The following KMT2E variants were observed in gnomAD, a reference collection of about 807,000 sequenced individuals.
KMT2E encodes the protein lysine methyltransferase 2E (inactive), also known as histone reader KMT2E.
Under a neutral mutation model 184.6 loss-of-function variants are expected in KMT2E, and 30 were observed. The observed-to-expected ratio is 0.16, with a 90% CI of 0.12 to 0.22. The LOEUF (loss-of-function observed/expected upper bound fraction) is 0.22, where lower values mean the gene tolerates loss of function less well. Among genes scored for constraint, KMT2E ranks in the 10% least tolerant of loss-of-function variants. The pLI is 1.00. For synonymous variants in KMT2E, 815 were observed against 776.5 expected (o/e 1.05, Z -0.82); for missense variants, 2,023 against 2,237.4 (o/e 0.90, Z 1.93).
intron 3 of KMT2E, among the ~76,000 whole-genome samples, chr7:105,059,991 T>TTTTTTTTTTTTTTTTTTTTTTTTTTTTG: frequency 1.5e-5 from 1 of 67,222 alleles, no homozygotes; most frequent in Non-Finnish European, 2.4e-5. Flanking sequence ...TTTTTTTTTT[T>TTTTTTTTTTTTTTTTTTTTTTTTTTTTG]TTTTTTTTTT....
intron 15 of KMT2E, among the ~76,000 whole-genome samples, chr7:105,093,251 C>T (rs913889457): frequency 1.1e-4 from 16 of 152,052 alleles, no homozygotes; most frequent in African/African-American, 2.4e-4. Context: ...GTTCTTTGCC[C>T]GTAAATACAG....
At chr7:105,109,843 C>CTTT (rs34727137) in intron 23 of KMT2E, among the ~76,000 whole-genome samples, 5 of 136,306 alleles carry the variant, frequency 3.7e-5, no homozygotes, top group Middle Eastern at 3.8e-3. Flanking sequence ...ATAAGATTAA[C>CTTT]TTTTTTTTTT....
At chr7:105,076,631 C>G (rs575489362) in intron 9 of KMT2E, among the ~76,000 whole-genome samples, 2 of 152,196 alleles carry the variant, frequency 1.3e-5, no homozygotes, top group South Asian at 2.1e-4. Context: ...CTGTCTGACC[C>G]CAAAACATAA....
intron 15 of KMT2E, among the ~76,000 whole-genome samples, chr7:105,095,330 C>G (rs530497456): frequency 6.6e-6 from 1 of 151,930 alleles, no homozygotes; most frequent in Non-Finnish European, 1.5e-5. Flanking sequence ...TAGGGTTTAA[C>G]CAAATACAGG....
At chr7:105,053,651 T>C (rs181640403) in intron 3 of KMT2E, among the ~76,000 whole-genome samples, 51 of 152,132 alleles carry the variant, frequency 3.4e-4, no homozygotes, top group African/African-American at 1.2e-3. Context: ...GGTGAGGGGA[T>C]CTCTTGAGCC....
chr7:105,043,362 A>G (rs1432849907), intron 3 of KMT2E, among the ~76,000 whole-genome samples: 1 of 147,636 alleles, frequency 6.8e-6, no homozygotes, highest in Non-Finnish European at 1.5e-5. Context: ...TCAGCCTCCC[A>G]AGTAGCTGGG....
chr7:105,046,355 A>G (rs752472153), intron 3 of KMT2E, among the ~76,000 whole-genome samples: 3 of 152,152 alleles, frequency 2.0e-5, no homozygotes, highest in Non-Finnish European at 2.9e-5. Flanking sequence ...ACTCCTTTTA[A>G]TAGTATGCAA....
At chr7:105,051,706 CCTCCTGGGTTCAAGCAGTT>C (rs1346835354) in intron 3 of KMT2E, among the ~76,000 whole-genome samples, 2 of 151,998 alleles carry the variant, frequency 1.3e-5, no homozygotes, top group Non-Finnish European at 2.9e-5. Context: ...GCAACCTCTG[CCTCCTGGGTTCAAGCAGTT>C]CTCCTGCCTC....
intron 1 of KMT2E, among the ~76,000 whole-genome samples, chr7:105,022,315 G>A (rs1052182428): frequency 2.0e-5 from 3 of 151,870 alleles, no homozygotes; most frequent in African/African-American, 7.3e-5. Flanking sequence ...TTTTAATCTG[G>A]AACAGTTCCT....
chr7:105,019,965 G>A (rs1045893514), intron 1 of KMT2E, among the ~76,000 whole-genome samples: 1 of 151,826 alleles, frequency 6.6e-6, no homozygotes, highest in Non-Finnish European at 1.5e-5. Flanking sequence ...AAAATTAGCC[G>A]GGCGTGGTGG....
chr7:105,056,295 T>C (rs1181685558), intron 3 of KMT2E, among the ~76,000 whole-genome samples: 1 of 152,228 alleles, frequency 6.6e-6, no homozygotes, highest in East Asian at 1.9e-4. Flanking sequence ...GTCAGATGTT[T>C]ATGTTATAAA....
At chr7:105,063,000 C>CTT (rs11336645) in intron 4 of KMT2E, among the ~76,000 whole-genome samples, 10 of 140,334 alleles carry the variant, frequency 7.1e-5, no homozygotes, top group South Asian at 4.5e-4. Context: ...TTTTCTTTTT[C>CTT]TTTTTTTTTT....
Position 105,040,956 on chromosome 7 carries a change from A to C in KMT2E, c.4A>C (p.Ser2Arg). 1 of 1,611,608 alleles carries C rather than the reference A, an allele frequency of 6.2e-7. No homozygotes were observed. The highest frequency in any genetic ancestry group is 8.5e-7 in the Non-Finnish European group (1 of 1,179,060). ...GAATTTACCAGAGGCGAACGTCATGAGCATAGTGATCCCATTGGGGGTTGA... is the reference window on the plus strand; with the variant it reads ...GAATTTACCAGAGGCGAACGTCATGCGCATAGTGATCCCATTGGGGGTTGA... M[S>R]IVIPLGVDTA... Residue 2 changes from serine to arginine, a missense_variant, in exon 3 of 27, where the codon AGC becomes CGC. By Grantham distance (110) the Ser-to-Arg change is moderately radical. Transcript: ENST00000311117.
intron 1 of KMT2E, among the ~76,000 whole-genome samples, chr7:105,032,073 C>CAAAAAAAAAAAAAAAAAAAAA (rs869308527): frequency 1.3e-5 from 1 of 77,278 alleles, no homozygotes; most frequent in African/African-American, 5.0e-5. Context: ...ACTCTTATCA[C>CAAAAAAAAAAAAAAAAAAAAA]AAAAAAAAAA....
intron 13 of KMT2E, among the ~76,000 whole-genome samples, chr7:105,088,891 T>C (rs1798092395): frequency 6.6e-6 from 1 of 152,262 alleles, no homozygotes. Context: ...CATTAAATTT[T>C]ATCAAGGTAG....
At chr7:105,087,159 C>A (rs75009137) in intron 13 of KMT2E, among the ~76,000 whole-genome samples, 1 of 145,982 alleles carries the variant, frequency 6.9e-6, no homozygotes, top group African/African-American at 2.5e-5. Context: ...GTCATGCGGA[C>A]TGGTATATAA....
Position 105,107,396 on chromosome 7 carries a change from G to A in KMT2E, c.2939G>A (p.Gly980Glu), listed in dbSNP as rs1280690470. 3 of 1,603,662 alleles carry A rather than the reference G, an allele frequency of 1.9e-6. No individual in the cohort carries two copies. The highest frequency in any genetic ancestry group is 2.6e-6 in the Non-Finnish European group (3 of 1,176,108). The change falls in exon 22 of 27, where the codon GGG becomes GAG. Residue 980 changes from glycine (G) to glutamate (E), a missense_variant. By Grantham distance (98) the Gly-to-Glu change is moderately conservative. This residue lies in a region of KMT2E where 514 missense variants were observed against 621.8 expected (regional missense o/e 0.83). Transcript: ENST00000311117. ...YDRSSTMLTLGPFRNSNLTEL... is the reference protein window; with the variant it reads ...YDRSSTMLTLEPFRNSNLTEL... The stretch of plus-strand genomic sequence containing the variant: ...AGATCTTCAACCATGTTAACATTGG[G>A]GCCTTTTAGAAATTCTAATTTAACT...
intron 1 of KMT2E, among the ~76,000 whole-genome samples, chr7:105,032,788 G>C (rs978636171): frequency 1.3e-5 from 2 of 152,230 alleles, no homozygotes; most frequent in African/African-American, 2.4e-5. Context: ...ACAGTTGTGA[G>C]CCACCATGTC....
intron 3 of KMT2E, among the ~76,000 whole-genome samples, chr7:105,059,877 C>G (rs1336844966): frequency 1.3e-5 from 2 of 149,060 alleles, no homozygotes; most frequent in African/African-American, 4.9e-5. Context: ...CTACAATCAG[C>G]ATGTATTAAT....
Sources: allele counts gnomAD v4.1 joint callset (sites outside exome capture counted in the v4.1 genomes callset), GRCh38; gene constraint gnomAD v4.1.1; regional missense constraint gnomAD v4.1.1; transcripts MANE v1.5; gene names NCBI Gene and HGNC (gene_info 2026-07-23, HGNC 2026-07-21).